IPO11: variants seen among roughly 807,000 people sequenced by gnomAD.
IPO11 encodes importin 11.
IPO11 carries 66 observed loss-of-function variants against 143.2 expected under a neutral mutation model. That is an observed-to-expected ratio of 0.46 (90% confidence interval 0.38 to 0.57). The LOEUF (loss-of-function observed/expected upper bound fraction) is 0.57, where lower values mean the gene tolerates loss of function less well. Ranked by LOEUF, IPO11 falls within the 20% of genes least tolerant of loss-of-function variation. The pLI, the probability that IPO11 is intolerant of heterozygous loss-of-function variation, is 0.00. For synonymous variants in IPO11, 385 were observed against 377.8 expected (o/e 1.02, Z -0.22); for missense variants, 1,026 against 1,141.0 (o/e 0.90, Z 1.45).
chr5:62,545,574 G>A (rs886979283), intron 24 of IPO11, among the ~76,000 whole-genome samples: 6 of 152,140 alleles, frequency 3.9e-5, no homozygotes, highest in African/African-American at 7.2e-5. Flanking sequence ...AAAAGTAATG[G>A]CAACAAAAGC....
intron 8 of IPO11, among the ~76,000 whole-genome samples, chr5:62,475,937 G>T (rs988417752): frequency 1.3e-5 from 2 of 152,196 alleles, no homozygotes; most frequent in Non-Finnish European, 2.9e-5. Context: ...TTGGGGATTT[G>T]CTCTCCTGAG....
At chr5:62,479,655 T>A (rs573851775) in intron 9 of IPO11, among the ~76,000 whole-genome samples, 5 of 152,190 alleles carry the variant, frequency 3.3e-5, no homozygotes, top group Non-Finnish European at 7.3e-5. Flanking sequence ...TGGTATCTCA[T>A]TGTGGTTTTG....
chr5:62,436,352 C>T (rs1371740845), intron 1 of IPO11, among the ~76,000 whole-genome samples: 1 of 152,180 alleles, frequency 6.6e-6, no homozygotes. Flanking sequence ...ATTCTTCGGT[C>T]ACAGAGATAG....
intron 2 of IPO11, among the ~76,000 whole-genome samples, chr5:62,441,504 T>C (rs1744475869): frequency 1.1e-5 from 1 of 89,620 alleles, no homozygotes; most frequent in Non-Finnish European, 2.2e-5. Flanking sequence ...GCCTTTTTTT[T>C]TTTTTTTTTT....
At chr5:62,521,844 A>G (rs1015490997) in intron 20 of IPO11, among the ~76,000 whole-genome samples, 11 of 150,840 alleles carry the variant, frequency 7.3e-5, no homozygotes, top group Admixed American at 5.9e-4. Context: ...TTTAATGCCT[A>G]TGGGTTCTTT....
intron 19 of IPO11, among the ~76,000 whole-genome samples, chr5:62,513,476 C>T (rs1461799370): frequency 1.4e-5 from 2 of 138,508 alleles, no homozygotes; most frequent in African/African-American, 5.3e-5. Context: ...CCTCACTTCC[C>T]AGTAGGGGCG....
chr5:62,437,713 T>G (rs1205798329), intron 2 of IPO11, among the ~76,000 whole-genome samples: 1 of 152,208 alleles, frequency 6.6e-6, no homozygotes. Flanking sequence ...GTAGCACTCT[T>G]TCATATTTTG....
intron 24 of IPO11, among the ~76,000 whole-genome samples, chr5:62,546,446 C>T (rs369232948): frequency 6.6e-6 from 1 of 151,910 alleles, no homozygotes; most frequent in East Asian, 1.9e-4. Context: ...TGGGGCCTGT[C>T]GTAGGGTTGG....
intron 1 of IPO11, among the ~76,000 whole-genome samples, chr5:62,436,768 C>T (rs191859266): frequency 1.3e-3 from 196 of 152,266 alleles, no homozygotes; most frequent in African/African-American, 4.2e-3. Flanking sequence ...ATTGGTGGCA[C>T]GTAAGATGAT....
intron 27 of IPO11, among the ~76,000 whole-genome samples, chr5:62,587,187 G>T (rs936365540): frequency 6.6e-6 from 1 of 152,040 alleles, no homozygotes; most frequent in Non-Finnish European, 1.5e-5. Context: ...ACTGCTGTGT[G>T]TGTGTGTGCA....
intron 5 of IPO11, among the ~76,000 whole-genome samples, chr5:62,464,209 G>A (rs1745487521): frequency 6.9e-6 from 1 of 145,450 alleles, no homozygotes; most frequent in South Asian, 2.2e-4. Flanking sequence ...GAGTGCAGTG[G>A]CGAGATCTCT....
intron 1 of IPO11, among the ~76,000 whole-genome samples, chr5:62,416,666 A>G (rs1743303155): frequency 2.6e-5 from 4 of 151,720 alleles, no homozygotes; most frequent in Non-Finnish European, 5.9e-5. Context: ...TCCTTTTTCA[A>G]CTAGTACTAA....
At chr5:62,452,138 A>AATTTT (rs1744954498) in intron 5 of IPO11, among the ~76,000 whole-genome samples, 10 of 151,448 alleles carry the variant, frequency 6.6e-5, no homozygotes, top group African/African-American at 2.2e-4. Context: ...CCAGCTACTC[A>AATTTT]GGAGGCTGAA....
In IPO11 at chr5:62,530,725, A is replaced by G; in HGVS notation, c.2029A>G (p.Asn677Asp). 6.2e-7 allele frequency: 1 copy of G among 1,612,786 alleles called. No individual in the cohort carries two copies. The highest frequency in any genetic ancestry group is 8.5e-7 in the Non-Finnish European group (1 of 1,179,090). The change falls in exon 22 of 30, where the codon AAC (asparagine) becomes GAC (aspartate). Residue 677 changes from asparagine to aspartate, a missense_variant. Physicochemically the swap from Asn to Asp is conservative, Grantham distance 23 (BLOSUM62 1). Coordinates refer to ENST00000325324, the MANE Select transcript of IPO11 (RefSeq NM_016338.5). ...GLELWLVTLE[N>D]SPCITPELLR... ...CCTTCCTAGGTTAGTAACTTTGGAA[A>G]ACAGTCCATGTATTACACCAGAGTT...
rs6895501 is a variant in IPO11 at position 62,461,257 on chromosome 5, T to G, written c.517-5874T>G. On this transcript the variant is annotated intron_variant, in intron 5 of 29. Coordinates refer to ENST00000325324, the MANE Select transcript of IPO11 (RefSeq NM_016338.5). ...TTGGGGGGATGGGGGGTTGAGAGGA[T>G]GGAAAATTACTAAAAAGAATCATCA... Among the ~76,000 whole-genome samples, 703 of 151,918 alleles carry G rather than the reference T, an allele frequency of 4.6e-3. 5 individuals are homozygous for G. Among genetic ancestry groups the G allele is most frequent in the African/African-American group, 0.016 (657 of 41,424 alleles).
chr5:62,448,910 T>C (rs1744812491), intron 3 of IPO11, among the ~76,000 whole-genome samples: 2 of 152,200 alleles, frequency 1.3e-5, no homozygotes, highest in East Asian at 3.9e-4. Context: ...GTTAATTCTG[T>C]GTAATCCCTC....
intron 18 of IPO11, among the ~76,000 whole-genome samples, chr5:62,506,039 T>C (rs1361915136): frequency 6.6e-6 from 1 of 152,082 alleles, no homozygotes; most frequent in Non-Finnish European, 1.5e-5. Flanking sequence ...TCAGCAGCAA[T>C]GAAGAAAGAA....
At chr5:62,595,042 G>A (rs971529181) in intron 28 of IPO11, among the ~76,000 whole-genome samples, 3 of 152,148 alleles carry the variant, frequency 2.0e-5, no homozygotes, top group African/African-American at 7.2e-5. Context: ...CGACAGAAGG[G>A]GTAGATGCTG....
At chr5:62,518,417 C>T (rs1742096403) in intron 20 of IPO11, among the ~76,000 whole-genome samples, 1 of 151,408 alleles carries the variant, frequency 6.6e-6, no homozygotes, top group South Asian at 2.1e-4. Flanking sequence ...GTACTCCAGC[C>T]TGGGTGACAT....
Sources: gnomAD v4.1 joint callset for allele counts (sites outside exome capture counted in the v4.1 genomes callset) on GRCh38, gnomAD v4.1.1 for gene constraint, MANE v1.5 for transcripts, NCBI Gene and HGNC (gene_info 2026-07-23, HGNC 2026-07-21) for gene names.